RNF213: variants seen among roughly 807,000 people sequenced by gnomAD.
RNF213 encodes E3 ubiquitin-protein ligase RNF213.
A neutral mutation model predicts 514.4 loss-of-function variants in RNF213; 341 were observed. The ratio of observed to expected loss-of-function variants is 0.66; its 90% CI spans 0.61 to 0.73. The LOEUF (loss-of-function observed/expected upper bound fraction) is 0.73, where lower values mean the gene tolerates loss of function less well. Ranked by LOEUF, RNF213 falls within the 30% of genes least tolerant of loss-of-function variation. The pLI is 0.00. For synonymous variants in RNF213, 2,655 were observed against 2,658.2 expected, an observed-to-expected ratio of 1.00 and a Z score of 0.04; for missense variants, 5,767 against 6,615.6, an observed-to-expected ratio of 0.87 and a Z score of 4.45.
chr17:80,381,866 A>C, intron 57 of RNF213, 139 bp downstream of exon 57: 4 of 851,268 alleles, frequency 4.7e-6, no homozygotes, highest in Non-Finnish European at 3.7e-6. Flanking sequence ...GAGAGAACAC[A>C]CAGAGAGAAA....
chr17:80,358,259 T>C (rs771224297), intron 36 of RNF213, 29 bp from the exon 37 acceptor site: 1 of 1,608,954 alleles, frequency 6.2e-7, no homozygotes, highest in Non-Finnish European at 8.5e-7. Flanking sequence ...CTCTGACCCG[T>C]GGTGGCCCAT....
chr17:80,336,076 G>A (rs2077979594), intron 22 of RNF213, 85 bp from the exon 23 acceptor site: 1 of 1,095,862 alleles, frequency 9.1e-7, no homozygotes, highest in Non-Finnish European at 1.3e-6. Flanking sequence ...ATCCATTTCA[G>A]CTTCAGTAAG....
intron 55 of RNF213, among the ~76,000 whole-genome samples, chr17:80,380,036 G>A (rs1331969439): frequency 2.6e-5 from 4 of 152,160 alleles, no homozygotes; most frequent in South Asian, 2.1e-4. Context: ...TCTAATTCAC[G>A]AGGACATCTA....
chr17:80,279,504 G>A (rs956846001), intron 3 of RNF213, among the ~76,000 whole-genome samples: 6 of 151,056 alleles, frequency 4.0e-5, no homozygotes, highest in Middle Eastern at 3.4e-3. Flanking sequence ...TCGCTCTGTC[G>A]CCCAAGCTGG....
At position 80,263,791 on chromosome 17, in the gene RNF213, G is replaced by A. The variant is rs781323066; in HGVS notation, c.97+13G>A. ...GCCCCCATAGCAGGTGAGGCCCAGG[G>A]GTGCTGGTGGAGGCTGGGGCAGTGG... On this transcript the variant is annotated intron_variant, in intron 2 of 67. Coordinates refer to ENST00000582970, the MANE Select transcript of RNF213 (RefSeq NM_001256071.3). This position sits in a 1 kb window ranked among gnomAD's most constrained non-coding sequence, Gnocchi z 4.9. 2 of 1,612,486 alleles carry A rather than the reference G, an allele frequency of 1.2e-6. No homozygotes were observed. Among genetic ancestry groups the A allele is most frequent in the Admixed American group, 1.7e-5 (1 of 59,996 alleles).
Position 80,372,694 on chromosome 17 carries a change from C to G in RNF213, c.12711C>G (p.Asp4237Glu), listed in dbSNP as rs773785078. Reference protein sequence around the residue: ...QEVARIRLCLDRAADFLSEPE... With the variant: ...QEVARIRLCLERAADFLSEPE... ...TGGCCCGGATCCGCCTCTGCCTCGA[C>G]AGAGCTGCAGATTTCCTCTCGGAGC... The change falls in exon 48 of 68, where the codon GAC becomes GAG. Residue 4237 changes from aspartate (D) to glutamate (E), a missense_variant. Physicochemically the swap from Asp to Glu is conservative, Grantham distance 45. Transcript: ENST00000582970. 8 of 1,613,886 alleles carry G rather than the reference C, an allele frequency of 5.0e-6. No homozygotes were observed. The Admixed American group carries it at 5.0e-5, about 10-fold the overall frequency.
In RNF213 at chr17:80,288,882, G is replaced by A; in HGVS notation, c.933+127G>A. The A allele has an allele frequency of 6.6e-7, 1 of 1,505,550 alleles. No individual in the cohort carries two copies. Among genetic ancestry groups the A allele is most frequent in the Non-Finnish European group, 9.1e-7 (1 of 1,100,448 alleles). 93.3% of individuals were successfully genotyped at this position (1,505,550 alleles called of 1,614,324 possible). On this transcript the variant is annotated intron_variant, in intron 5 of 67. Transcript: ENST00000582970. This position sits in a 1 kb window ranked among gnomAD's most constrained non-coding sequence, Gnocchi z 4.9. ...TAGCCATGATTCAGACAAAGCTCTG[G>A]CCTTCGGGGTGCTCACATTCCAGCG...
At position 80,263,633 on chromosome 17, in the gene RNF213, C is replaced by T. The variant is rs780595875; in HGVS notation, c.-49C>T. ...CATGTAGTATATAGCAGGCTGCCAG[C>T]GACTCCTGCTCTTGCTTCTGGATCT... On this transcript the variant is annotated 5_prime_UTR_variant, in exon 2 of 68. Transcript: ENST00000582970. The surrounding 1 kb of genome is among the most constrained non-coding windows in gnomAD (Gnocchi z 4.9). The T allele has an allele frequency of 1.7e-5, 25 of 1,470,074 alleles. No homozygotes were observed. Among genetic ancestry groups the T allele is most frequent in the African/African-American group, 8.3e-5 (6 of 72,084 alleles). The allele number at this position is 1,470,074 out of a possible 1,614,324, so 91.1% of individuals were successfully genotyped here. A position where few individuals can be genotyped will look rare whatever the true frequency, so the allele number is the denominator to read the frequency against.
Position 80,353,849 on chromosome 17 carries a change from C to T in RNF213, c.10579-170C>T. 1.1e-5 allele frequency: 13 copies of T among 1,188,562 alleles called. No homozygotes were observed. In the South Asian group the frequency reaches 1.7e-4, roughly 15 times the overall value. The allele number at this position is 1,188,562 out of a possible 1,614,324, so 73.6% of individuals were successfully genotyped here. A position where few individuals can be genotyped will look rare whatever the true frequency, so the allele number is the denominator to read the frequency against. On this transcript the variant is annotated intron_variant, in intron 34 of 67. Transcript: ENST00000582970. The surrounding 1 kb of genome is among the most constrained non-coding windows in gnomAD (Gnocchi z 5.0). The stretch of plus-strand genomic sequence containing the variant: ...GGTTACTGGGGGTCAAGGGCATCTG[C>T]ACCGGCAGTTTGGGGGGTGCAGGGC...
chr17:80,381,494 TC>T lies in RNF213; in HGVS notation c.13798-52del, dbSNP rs577450681. On this transcript the variant is annotated intron_variant, in intron 56 of 67. Transcript: ENST00000582970. ...CCAATGGCCTCTACCAGGCTCACCA[TC>T]TTCTCTACAAACCAGATCCCCGCTG... The T allele has an allele frequency of 5.7e-4, 909 of 1,592,418 alleles. 5 individuals carry two copies. The African/African-American group carries it at 0.011, about 19-fold the overall frequency.
chr17:80,295,838 T>A (rs2044921835), intron 10 of RNF213, 25 bp downstream of exon 10: 1 of 1,612,722 alleles, frequency 6.2e-7, no homozygotes, highest in Admixed American at 1.7e-5. Flanking sequence ...TGTCAAAATG[T>A]TTTTTATAGC....
In RNF213 at chr17:80,350,241, T is replaced by C; in HGVS notation, c.10089-60T>C. Reference sequence around the variant, plus strand: ...TTATGTTTCCCATCACTTTGGGGAATTTTCTTTTCCATTTTTTTAAGACAG... The same window carrying C: ...TTATGTTTCCCATCACTTTGGGGAACTTTCTTTTCCATTTTTTTAAGACAG... On this transcript the variant is annotated intron_variant, in intron 30 of 67. Transcript: ENST00000582970. 3 of 1,088,086 alleles carry C rather than the reference T, an allele frequency of 2.8e-6. No individual in the cohort carries two copies. The South Asian group carries it at 3.8e-5, about 14-fold the overall frequency. 67.4% of individuals were successfully genotyped at this position (1,088,086 alleles called of 1,614,324 possible). A position where few individuals can be genotyped will look rare whatever the true frequency, so the allele number is the denominator to read the frequency against.
chr17:80,273,747 G>A (rs1468167179), intron 3 of RNF213, among the ~76,000 whole-genome samples: 1 of 150,780 alleles, frequency 6.6e-6, no homozygotes, highest in Non-Finnish European at 1.5e-5. Context: ...AGCCTCCCAA[G>A]TAGCTGGGAC....
intron 17 of RNF213, chr17:80,319,720 G>T: frequency 7.1e-7 from 1 of 1,411,686 alleles, no homozygotes; most frequent in Non-Finnish European, 9.2e-7. Context: ...CAAAATATGT[G>T]AAATGGAAAA....
intron 21 of RNF213, among the ~76,000 whole-genome samples, chr17:80,333,032 G>C (rs1022558859): frequency 6.6e-6 from 1 of 151,638 alleles, no homozygotes; most frequent in Non-Finnish European, 1.5e-5. Flanking sequence ...GTTTCTGTTA[G>C]AGTTAAGAGG....
chr17:80,272,048 G>A (rs1308374690), intron 2 of RNF213, among the ~76,000 whole-genome samples: 2 of 151,502 alleles, frequency 1.3e-5, no homozygotes, highest in African/African-American at 2.4e-5. Context: ...ACTTTGAGAG[G>A]GCAAGACGGG....
At chr17:80,354,191 CCCCTGCCCCCACGTGGGCT>C in intron 35 of RNF213, 25 bp downstream of exon 35, 1 of 1,611,044 alleles carries the variant, frequency 6.2e-7, no homozygotes, top group East Asian at 2.2e-5. Context: ...ACCCCTCTTG[CCCCTGCCCCCACGTGGGCT>C]CTTCCTGAGG....
chr17:80,331,632 G>A (rs113042505), intron 20 of RNF213, among the ~76,000 whole-genome samples: 75 of 152,096 alleles, frequency 4.9e-4, no homozygotes, highest in African/African-American at 1.6e-3. Flanking sequence ...CAGGTGATCC[G>A]CCCATCTCAG....
chr17:80,306,414 T>C lies in RNF213; in HGVS notation c.2373T>C (p.Cys791=), dbSNP rs752024169. The C allele has an allele frequency of 7.4e-6, 12 of 1,614,072 alleles. No individual in the cohort carries two copies. The highest frequency in any genetic ancestry group is 1.0e-5 in the Non-Finnish European group (12 of 1,180,036). Residue 791 remains cysteine, a synonymous_variant, in exon 12 of 68, where the codon TGT becomes TGC. Transcript: ENST00000582970. ...GTTTTCCTGCTCATATCCTGGACTG[T>C]CTTTCAGGGATTTACTACCGGCTTC... ...LGRFPAHILD[C]LSGIYYRLPG...
Sources: allele counts gnomAD v4.1 joint callset (sites outside exome capture counted in the v4.1 genomes callset), GRCh38; gene constraint gnomAD v4.1.1; non-coding constraint Gnocchi (gnomAD v3.1); transcripts MANE v1.5; gene names NCBI Gene and HGNC (gene_info 2026-07-23, HGNC 2026-07-21).